Variants in PTPRD observed in about 807,000 individuals in gnomAD.
PTPRD encodes protein tyrosine phosphatase receptor type D.
A neutral mutation model predicts 214.5 loss-of-function variants in PTPRD; 34 were observed. That is an observed-to-expected ratio of 0.16 (90% CI 0.12 to 0.21). The LOEUF is 0.21. Ranked by LOEUF, PTPRD falls within the 10% of genes least tolerant of loss-of-function variation. The pLI is 1.00. For missense variants in PTPRD, 2,545 were observed against 2,398.7 expected, an observed-to-expected ratio of 1.06 and a Z score of -1.27; for synonymous variants, 1,128 against 845.7, an observed-to-expected ratio of 1.33 and a Z score of -5.79.
At chr9:8,427,533 G>C (rs763388470) in intron 35 of PTPRD, among the ~76,000 whole-genome samples, 1 of 152,048 alleles carries the variant, frequency 6.6e-6, no homozygotes, top group East Asian at 1.9e-4. Flanking sequence ...CCAGACACCT[G>C]ACCAAAACAC....
At chr9:8,928,332 T>C (rs1467703567) in intron 11 of PTPRD, among the ~76,000 whole-genome samples, 1 of 152,222 alleles carries the variant, frequency 6.6e-6, no homozygotes, top group African/African-American at 2.4e-5. Flanking sequence ...TTTTATGGTT[T>C]TAGGTCTAAC....
At chr9:9,131,551 T>A (rs184183198) in intron 10 of PTPRD, among the ~76,000 whole-genome samples, 1 of 152,322 alleles carries the variant, frequency 6.6e-6, no homozygotes, top group Admixed American at 6.5e-5. Flanking sequence ...ATATTCTATT[T>A]GTCAAAGAAT....
intron 31 of PTPRD, among the ~76,000 whole-genome samples, chr9:8,468,798 G>A (rs199837358): frequency 2.4e-3 from 300 of 123,364 alleles, no homozygotes; most frequent in Non-Finnish European, 2.9e-3. Flanking sequence ...ATCCATGGTA[G>A]AAAAAAAAAA....
chr9:10,589,722 G>T (rs745584863), intron 2 of PTPRD, among the ~76,000 whole-genome samples: 1 of 152,000 alleles, frequency 6.6e-6, no homozygotes, highest in Non-Finnish European at 1.5e-5. Flanking sequence ...TGAGATATCA[G>T]ATATTCATAG....
intron 8 of PTPRD, among the ~76,000 whole-genome samples, chr9:9,406,895 T>G: frequency 6.6e-6 from 1 of 151,596 alleles, no homozygotes; most frequent in Admixed American, 6.6e-5. Flanking sequence ...GGCATTTTTT[T>G]CTGATTCTTG....
intron 12 of PTPRD, among the ~76,000 whole-genome samples, chr9:8,657,100 TC>T (rs1026219573): frequency 7.2e-5 from 11 of 152,122 alleles, no homozygotes; most frequent in African/African-American, 2.7e-4. Context: ...AGCTTTTCTT[TC>T]ATATGTTTGT....
intron 14 of PTPRD, among the ~76,000 whole-genome samples, chr9:8,609,104 T>G (rs537294228): frequency 6.6e-6 from 1 of 152,236 alleles, no homozygotes; most frequent in Non-Finnish European, 1.5e-5. Flanking sequence ...TAAAAGTGAA[T>G]GAGAATTTTA....
chr9:8,845,985 C>A (rs1395594791), intron 11 of PTPRD, among the ~76,000 whole-genome samples: 3 of 152,166 alleles, frequency 2.0e-5, no homozygotes, highest in Non-Finnish European at 2.9e-5. Context: ...TATAATCATG[C>A]CAGGCAATTG....
intron 3 of PTPRD, among the ~76,000 whole-genome samples, chr9:10,117,457 A>G (rs979758189): frequency 7.9e-5 from 12 of 152,264 alleles, no homozygotes; most frequent in African/African-American, 2.9e-4. Flanking sequence ...CTAGAAGTAC[A>G]AAATCAAGGC....
chr9:10,054,963 T>C (rs967075950), intron 3 of PTPRD, among the ~76,000 whole-genome samples: 8 of 151,892 alleles, frequency 5.3e-5, no homozygotes, highest in Non-Finnish European at 1.0e-4. Context: ...GTCTTCATCA[T>C]GGGATTCGTG....
At chr9:8,920,694 T>G (rs914794560) in intron 11 of PTPRD, among the ~76,000 whole-genome samples, 25 of 152,186 alleles carry the variant, frequency 1.6e-4, no homozygotes, top group African/African-American at 5.8e-4. Flanking sequence ...CCATGGGCCG[T>G]GGGTTGGACA....
At chr9:9,069,165 C>G (rs1469557664) in intron 10 of PTPRD, among the ~76,000 whole-genome samples, 1 of 152,014 alleles carries the variant, frequency 6.6e-6, no homozygotes, top group Non-Finnish European at 1.5e-5. Context: ...TTTAAATTCC[C>G]AAGACAAGAA....
intron 2 of PTPRD, among the ~76,000 whole-genome samples, chr9:10,483,884 A>G (rs923984853): frequency 6.6e-6 from 1 of 152,086 alleles, no homozygotes; most frequent in African/African-American, 2.4e-5. Flanking sequence ...TCAAGGAACT[A>G]AAAGTAGATC....
At position 9,287,258 on chromosome 9, in the gene PTPRD, A is replaced by G. The variant is rs80344342; in HGVS notation, c.-202-103895T>C. On this transcript the variant is annotated intron_variant, in intron 9 of 45. Transcript: ENST00000381196. ...AAAACAAAAGGTATTTAGTATAGGA[A>G]TGTTGGCATAAATGTTTATGTGCTA... 5.1e-3 allele frequency among the ~76,000 whole-genome samples: 768 copies of G among 151,794 alleles called. 11 individuals are homozygous for G. Among genetic ancestry groups the G allele is most frequent in the African/African-American group, 0.017 (719 of 41,468 alleles).
chr9:10,585,483 C>T (rs1456529558), intron 2 of PTPRD, among the ~76,000 whole-genome samples: 2 of 151,940 alleles, frequency 1.3e-5, no homozygotes, highest in Non-Finnish European at 2.9e-5. Context: ...CTCCAGAAAG[C>T]TTTTAGAAAA....
At chr9:9,660,985 T>C (rs1438022222) in intron 7 of PTPRD, among the ~76,000 whole-genome samples, 3 of 151,984 alleles carry the variant, frequency 2.0e-5, no homozygotes, top group Admixed American at 6.6e-5. Context: ...CATATGGAAA[T>C]AACGCTTTAT....
chr9:8,839,907 A>C (rs2097525796), intron 11 of PTPRD, among the ~76,000 whole-genome samples: 1 of 152,226 alleles, frequency 6.6e-6, no homozygotes, highest in African/African-American at 2.4e-5. Flanking sequence ...GTAAAATGAT[A>C]ACTGATGTAC....
chr9:8,934,331 T>TGTAGCTG (rs1365007926), intron 11 of PTPRD, among the ~76,000 whole-genome samples: 2 of 146,732 alleles, frequency 1.4e-5, no homozygotes, highest in Non-Finnish European at 1.5e-5. Flanking sequence ...AGACACCAGG[T>TGTAGCTG]GTAGCTGGTA....
chr9:9,401,903 ATT>A (rs1391113283), intron 8 of PTPRD, among the ~76,000 whole-genome samples: 3 of 151,946 alleles, frequency 2.0e-5, no homozygotes, highest in Admixed American at 6.6e-5. Context: ...TTCCGCCATT[ATT>A]GTAAGTTTCC....
Sources: allele counts gnomAD v4.1 joint callset (sites outside exome capture counted in the v4.1 genomes callset), GRCh38; gene constraint gnomAD v4.1.1; transcripts MANE v1.5; gene names NCBI Gene and HGNC (gene_info 2026-07-23, HGNC 2026-07-21).